The following EDIL3 variants were observed in gnomAD, a reference collection of about 807,000 sequenced individuals.
The protein encoded by EDIL3 is EGF-like repeat and discoidin I-like domain-containing protein 3.
A neutral mutation model predicts 67.4 loss-of-function variants in EDIL3; 37 were observed. The ratio of observed to expected loss-of-function variants is 0.55; its 90% CI spans 0.42 to 0.72. EDIL3 has a LOEUF of 0.72. Ranked by LOEUF, EDIL3 falls within the 30% of genes least tolerant of loss-of-function variation. The probability of loss-of-function intolerance (pLI) is 0.00; values close to 1 mark genes in which losing one functional copy is unlikely to be tolerated. For missense variants in EDIL3, 527 were observed against 586.3 expected, an observed-to-expected ratio of 0.90 and a Z score of 1.04; for synonymous variants, 195 against 196.3, an observed-to-expected ratio of 0.99 and a Z score of 0.05.
intron 4 of EDIL3, among the ~76,000 whole-genome samples, chr5:84,164,228 G>A (rs1324668248): frequency 1.3e-5 from 2 of 152,068 alleles, no homozygotes; most frequent in Non-Finnish European, 2.9e-5. Flanking sequence ...TGATTGGGAA[G>A]AATAGGAACG....
intron 2 of EDIL3, among the ~76,000 whole-genome samples, chr5:84,244,277 A>G (rs947845052): frequency 2.6e-5 from 4 of 151,968 alleles, no homozygotes; most frequent in African/African-American, 7.3e-5. Flanking sequence ...ACACTTATGT[A>G]TTTATTTACT....
intron 4 of EDIL3, among the ~76,000 whole-genome samples, chr5:84,165,893 C>G (rs985248406): frequency 6.6e-6 from 1 of 152,152 alleles, no homozygotes; most frequent in Non-Finnish European, 1.5e-5. Context: ...GCAAATGCAA[C>G]AGAACCCTGC....
At chr5:84,188,079 C>T (rs1192518820) in intron 3 of EDIL3, among the ~76,000 whole-genome samples, 3 of 151,640 alleles carry the variant, frequency 2.0e-5, no homozygotes, top group African/African-American at 4.8e-5. Flanking sequence ...AGAGATTTCC[C>T]GCCCCCCCTT....
chr5:84,302,487 G>A lies in EDIL3; in HGVS notation c.68-48275C>T, dbSNP rs1353093553. The stretch of plus-strand genomic sequence containing the variant: ...AATTTTTTGTATTTTTAGTAAAGAC[G>A]GGGTTTCACTGTGTTAGCGAGGATG... On this transcript the variant is annotated intron_variant, in intron 1 of 10. Coordinates refer to ENST00000296591, the MANE Select transcript of EDIL3 (RefSeq NM_005711.5). Among the ~76,000 whole-genome samples the A allele has an allele frequency of 4.6e-5, 7 of 152,060 alleles. No homozygotes were observed. In the South Asian group the frequency reaches 8.3e-4, roughly 18 times the overall value.
At chr5:84,079,097 A>G (rs547693709) in intron 6 of EDIL3, among the ~76,000 whole-genome samples, 1 of 152,312 alleles carries the variant, frequency 6.6e-6, no homozygotes, top group Admixed American at 6.5e-5. Context: ...AACAGGTTTC[A>G]GACAGCTTTC....
chr5:84,061,848 A>G (rs1378795786), intron 8 of EDIL3, among the ~76,000 whole-genome samples: 1 of 152,132 alleles, frequency 6.6e-6, no homozygotes, highest in Admixed American at 6.6e-5. Context: ...AATAATATTT[A>G]ATTATTGGGT....
At chr5:84,290,089 G>A (rs1188464773) in intron 1 of EDIL3, among the ~76,000 whole-genome samples, 1 of 152,214 alleles carries the variant, frequency 6.6e-6, no homozygotes, top group African/African-American at 2.4e-5. Context: ...ACAAGTGTTG[G>A]ATCCTGAAAG....
chr5:84,102,076 T>G (rs1043981629), intron 6 of EDIL3, among the ~76,000 whole-genome samples: 1 of 152,050 alleles, frequency 6.6e-6, no homozygotes, highest in Non-Finnish European at 1.5e-5. Flanking sequence ...AACCACATGA[T>G]CATCTCAATA....
intron 6 of EDIL3, among the ~76,000 whole-genome samples, chr5:84,090,360 T>C (rs1937049500): frequency 6.6e-6 from 1 of 152,212 alleles, no homozygotes; most frequent in Admixed American, 6.5e-5. Flanking sequence ...ACTTATTTAA[T>C]GAAGTTGTTT....
chr5:83,975,893 C>T (rs1242098093), intron 9 of EDIL3, among the ~76,000 whole-genome samples: 5 of 151,884 alleles, frequency 3.3e-5, no homozygotes, highest in South Asian at 2.1e-4. Flanking sequence ...TCACCAGATA[C>T]GTCTCAAGCT....
chr5:84,324,946 T>G (rs538793243), intron 1 of EDIL3, among the ~76,000 whole-genome samples: 1 of 151,378 alleles, frequency 6.6e-6, no homozygotes, highest in South Asian at 2.1e-4. Context: ...AAATCCCTGG[T>G]GTCTTCACTG....
At chr5:84,176,790 C>T (rs1278909507) in intron 4 of EDIL3, among the ~76,000 whole-genome samples, 3 of 146,348 alleles carry the variant, frequency 2.0e-5, no homozygotes, top group Non-Finnish European at 3.0e-5. Context: ...TGAGCGCATG[C>T]GTGTGTTTCA....
chr5:84,194,978 C>G (rs974111385), intron 3 of EDIL3, among the ~76,000 whole-genome samples: 19 of 151,878 alleles, frequency 1.3e-4, no homozygotes, highest in Admixed American at 1.2e-3. Context: ...TAATACTATA[C>G]AGAATACGGT....
At chr5:84,206,533 C>T (rs893067458) in intron 3 of EDIL3, among the ~76,000 whole-genome samples, 16 of 152,102 alleles carry the variant, frequency 1.1e-4, no homozygotes, top group South Asian at 6.2e-4. Context: ...GGAATCCTCC[C>T]TAACTCATTT....
intron 10 of EDIL3, among the ~76,000 whole-genome samples, chr5:83,962,607 C>A (rs1744623472): frequency 6.6e-6 from 1 of 151,308 alleles, no homozygotes; most frequent in Non-Finnish European, 1.5e-5. Flanking sequence ...CAAAGTAGAT[C>A]ATAAATTTAA....
At chr5:84,233,473 C>A (rs529842445) in intron 2 of EDIL3, among the ~76,000 whole-genome samples, 1 of 152,286 alleles carries the variant, frequency 6.6e-6, no homozygotes, top group South Asian at 2.1e-4. Context: ...AAACCCTTTG[C>A]AATTTATATT....
chr5:84,200,950 T>G (rs1268861724), intron 3 of EDIL3, among the ~76,000 whole-genome samples: 1 of 152,090 alleles, frequency 6.6e-6, no homozygotes, highest in Non-Finnish European at 1.5e-5. Flanking sequence ...CAGATAAGCA[T>G]ACTTATTTTC....
chr5:84,362,068 A>C (rs774798509), intron 1 of EDIL3, among the ~76,000 whole-genome samples: 1 of 152,086 alleles, frequency 6.6e-6, no homozygotes, highest in Admixed American at 6.6e-5. Flanking sequence ...CCAACTTCCC[A>C]AAAGAGCAGT....
intron 5 of EDIL3, among the ~76,000 whole-genome samples, chr5:84,121,280 AC>A (rs958270387): frequency 2.1e-4 from 32 of 152,124 alleles, no homozygotes; most frequent in Non-Finnish European, 3.8e-4. Context: ...TTTTAAAACA[AC>A]AAAAATTAAT....
Sources: gnomAD v4.1 joint callset for allele counts (sites outside exome capture counted in the v4.1 genomes callset) on GRCh38, gnomAD v4.1.1 for gene constraint, MANE v1.5 for transcripts, NCBI Gene and HGNC (gene_info 2026-07-23, HGNC 2026-07-21) for gene names.